Variants in PKD2 observed in about 807,000 individuals in gnomAD.
PKD2 encodes the protein polycystin-2.
Under a neutral mutation model 105.9 loss-of-function variants are expected in PKD2, and 48 were observed. The observed-to-expected ratio is 0.45, with a 90% CI of 0.36 to 0.58. PKD2 has a LOEUF of 0.58. Among genes scored for constraint, PKD2 ranks in the 20% least tolerant of loss-of-function variants. The pLI, the probability that PKD2 is intolerant of heterozygous loss-of-function variation, is 0.00. For synonymous variants in PKD2, 464 were observed against 481.1 expected (o/e 0.96, Z 0.46); for missense variants, 1,078 against 1,255.3 (o/e 0.86, Z 2.13).
chr4:88,041,308 A>G (rs1343219487), intron 4 of PKD2, among the ~76,000 whole-genome samples: 1 of 151,742 alleles, frequency 6.6e-6, no homozygotes. Context: ...TCCCATCTTC[A>G]CTGAGTGACT....
intron 13 of PKD2, among the ~76,000 whole-genome samples, chr4:88,068,879 C>T (rs1720894019): frequency 6.6e-6 from 1 of 152,104 alleles, no homozygotes; most frequent in Non-Finnish European, 1.5e-5. Flanking sequence ...GAGTTCATCC[C>T]TTCAATTCTG....
chr4:88,015,525 G>A (rs945377815), intron 1 of PKD2, among the ~76,000 whole-genome samples: 3 of 152,104 alleles, frequency 2.0e-5, no homozygotes, highest in Admixed American at 6.5e-5. Flanking sequence ...CGATTCTCCT[G>A]CCTCAGCCTC....
At position 88,056,078 on chromosome 4, in the gene PKD2, TCTTA is replaced by T. The variant is rs1720318293; in HGVS notation, c.1717-6_1717-3del. 6.3e-7 allele frequency: 1 copy of T among 1,588,812 alleles called. No individual in the cohort carries two copies. The highest frequency in any genetic ancestry group is 8.6e-7 in the Non-Finnish European group (1 of 1,157,128). On this transcript the variant is annotated splice_region_variant and splice_polypyrimidine_tract_variant and intron_variant, in intron 7 of 14. Transcript: ENST00000237596. ...CATTCATCTATTGATGTCTTCTCTC[TCTTA>T]CAGCTCTTCAAATTCATCAATTTTA...
intron 2 of PKD2, among the ~76,000 whole-genome samples, chr4:88,030,819 C>T (rs754791788): frequency 4.6e-5 from 7 of 152,238 alleles, no homozygotes; most frequent in Non-Finnish European, 1.0e-4. Context: ...GAGAGTCTCA[C>T]GAAATGTTGA....
In PKD2 at chr4:88,055,326, ATAAT is replaced by A. The variant is rs1357011701; in HGVS notation, c.1717-754_1717-751del. 2.0e-5 allele frequency among the ~76,000 whole-genome samples: 3 copies of A among 152,294 alleles called. No homozygotes were observed. In the East Asian group the frequency reaches 5.8e-4, roughly 29 times the overall value. On this transcript the variant is annotated intron_variant, in intron 7 of 14. Coordinates refer to ENST00000237596, the MANE Select transcript of PKD2 (RefSeq NM_000297.4). ...CAACAAGAATTTCCTGGGGGGTTTTATAATTAATTTTTATTTGTGTGAAGTTTTT... is the reference window on the plus strand; with the variant it reads ...CAACAAGAATTTCCTGGGGGGTTTTATAATTTTTATTTGTGTGAAGTTTTT...
chr4:88,054,762 C>A (rs528611055), intron 7 of PKD2, among the ~76,000 whole-genome samples: 1 of 148,728 alleles, frequency 6.7e-6, no homozygotes, highest in South Asian at 2.1e-4. Flanking sequence ...TCACGCCATT[C>A]TCCTGCCTCA....
intron 7 of PKD2, among the ~76,000 whole-genome samples, chr4:88,054,432 G>A (rs1408128299): frequency 6.6e-6 from 1 of 151,624 alleles, no homozygotes; most frequent in African/African-American, 2.4e-5. Context: ...AAATGAATTG[G>A]GATTGTATTA....
chr4:88,031,293 G>T (rs1727140430), intron 2 of PKD2, among the ~76,000 whole-genome samples: 1 of 152,178 alleles, frequency 6.6e-6, no homozygotes, highest in South Asian at 2.1e-4. Context: ...TTCAACTTAT[G>T]ATATTTTCAA....
chr4:88,068,107 A>C, intron 13 of PKD2, 46 bp downstream of exon 13: 1 of 1,454,154 alleles, frequency 6.9e-7, no homozygotes, highest in Non-Finnish European at 9.7e-7. Flanking sequence ...AAGAGTCCAC[A>C]TGAGACCAGG....
At chr4:88,057,947 G>C (rs1177905457) in intron 8 of PKD2, 36 bp from the exon 9 acceptor site, 1 of 1,524,178 alleles carries the variant, frequency 6.6e-7, no homozygotes, top group East Asian at 2.3e-5. Context: ...GACATTCTTT[G>C]TTTTTGTATT....
chr4:88,061,611 G>A (rs1019532659), intron 9 of PKD2, among the ~76,000 whole-genome samples: 2 of 152,176 alleles, frequency 1.3e-5, no homozygotes, highest in East Asian at 1.9e-4. Context: ...AGTGGCACAT[G>A]CCTGTAATCC....
chr4:88,034,792 A>C (rs569091534), intron 2 of PKD2, among the ~76,000 whole-genome samples: 9 of 152,260 alleles, frequency 5.9e-5, no homozygotes, highest in Admixed American at 4.6e-4. Context: ...AATTTATTAT[A>C]GGTTCAGGTA....
intron 1 of PKD2, among the ~76,000 whole-genome samples, chr4:88,016,729 G>A (rs1478772050): frequency 6.6e-6 from 1 of 151,396 alleles, no homozygotes; most frequent in East Asian, 2.0e-4. Context: ...GAGAGGCCAA[G>A]GTGAGAGGAT....
intron 3 of PKD2, among the ~76,000 whole-genome samples, chr4:88,036,734 C>T (rs560980837): frequency 6.6e-6 from 1 of 152,308 alleles, no homozygotes; most frequent in South Asian, 2.1e-4. Flanking sequence ...CTGACAGCTA[C>T]TTCATCCTAG....
intron 2 of PKD2, among the ~76,000 whole-genome samples, chr4:88,032,443 C>T (rs768863155): frequency 7.2e-5 from 11 of 152,232 alleles, no homozygotes; most frequent in Admixed American, 1.3e-4. Flanking sequence ...GTGGGCAGAT[C>T]GTTTGAGCCC....
intron 13 of PKD2, among the ~76,000 whole-genome samples, chr4:88,069,435 ATTTT>A (rs1328602796): frequency 6.6e-6 from 1 of 151,340 alleles, no homozygotes; most frequent in Admixed American, 6.6e-5. Flanking sequence ...ATGATTTTTC[ATTTT>A]TTTTAGTCAG....
intron 11 of PKD2, 70 bp from the exon 12 acceptor site, chr4:88,065,692 G>A (rs770484032): frequency 7.2e-6 from 9 of 1,258,702 alleles, no homozygotes; most frequent in African/African-American, 1.5e-5. Context: ...CCTGCATTTT[G>A]ATGTCTCTGT....
chr4:88,065,379 C>T lies in PKD2; in HGVS notation c.2124C>T (p.Tyr708=), dbSNP rs772904125. The T allele has an allele frequency of 9.9e-6, 16 of 1,611,454 alleles. No homozygotes were observed. The Middle Eastern group carries it at 5.0e-4, about 50-fold the overall frequency. ...MELSDLIRKG[Y]HKALVKLKLK... ...ATTTTTTCTCTCTCTGATAGGGCTA[C>T]CATAAAGCTTTGGTCAAACTAAAAC... The change falls in exon 11 of 15, where the codon TAC becomes TAT. Residue 708 remains tyrosine, a synonymous_variant. Transcript: ENST00000237596.
chr4:88,008,552 C>T (rs1230152419), intron 1 of PKD2, among the ~76,000 whole-genome samples: 1 of 152,142 alleles, frequency 6.6e-6, no homozygotes, highest in Non-Finnish European at 1.5e-5. Flanking sequence ...TGGATACCTC[C>T]TTCTTCAGGA....
Sources: gnomAD v4.1 joint callset for allele counts (sites outside exome capture counted in the v4.1 genomes callset) on GRCh38, gnomAD v4.1.1 for gene constraint, MANE v1.5 for transcripts, NCBI Gene and HGNC (gene_info 2026-07-23, HGNC 2026-07-21) for gene names.